GRIN2A: variants seen among roughly 807,000 people sequenced by gnomAD.
The protein encoded by GRIN2A is glutamate ionotropic receptor NMDA type subunit 2A.
In GRIN2A, 22 loss-of-function variants were observed where a neutral mutation model predicts 113.4. The observed-to-expected ratio is 0.19, with a 90% CI of 0.14 to 0.28. GRIN2A has a LOEUF of 0.28. GRIN2A is among the 10% of genes least tolerant of loss of function. The pLI is 1.00. For synonymous variants in GRIN2A, 827 were observed against 738.4 expected (o/e 1.12, Z -1.94); for missense variants, 1,502 against 1,887.0 (o/e 0.80, Z 3.78).
At chr16:10,045,483 TGA>T (rs2047242594) in intron 2 of GRIN2A, among the ~76,000 whole-genome samples, 1 of 151,966 alleles carries the variant, frequency 6.6e-6, no homozygotes, top group African/African-American at 2.4e-5. Flanking sequence ...TCTGGCTACG[TGA>T]GAGAGAGGTT....
intron 2 of GRIN2A, among the ~76,000 whole-genome samples, chr16:10,095,741 C>T (rs1440920798): frequency 6.6e-6 from 1 of 152,176 alleles, no homozygotes; most frequent in Non-Finnish European, 1.5e-5. Flanking sequence ...AGCAACTTTA[C>T]AGTAGAGACT....
chr16:9,774,270 G>A (rs1901466835), intron 11 of GRIN2A, among the ~76,000 whole-genome samples: 1 of 152,206 alleles, frequency 6.6e-6, no homozygotes, highest in Non-Finnish European at 1.5e-5. Flanking sequence ...TTACAAGAAA[G>A]AATGTTTCAG....
intron 2 of GRIN2A, among the ~76,000 whole-genome samples, chr16:9,947,007 T>A (rs1449282222): frequency 6.6e-6 from 1 of 152,208 alleles, no homozygotes; most frequent in African/African-American, 2.4e-5. Flanking sequence ...TCACTTGCAA[T>A]CAAAGATTAC....
intron 2 of GRIN2A, among the ~76,000 whole-genome samples, chr16:10,011,728 T>G (rs1052694510): frequency 6.6e-6 from 1 of 152,204 alleles, no homozygotes; most frequent in African/African-American, 2.4e-5. Flanking sequence ...ATCTACCTGC[T>G]GCCCTACTGC....
chr16:10,064,947 C>G (rs1324452617), intron 2 of GRIN2A, among the ~76,000 whole-genome samples: 1 of 152,152 alleles, frequency 6.6e-6, no homozygotes, highest in African/African-American at 2.4e-5. Flanking sequence ...TACACTTTTT[C>G]AATGTCACCT....
intron 2 of GRIN2A, among the ~76,000 whole-genome samples, chr16:10,037,459 C>G (rs966636364): frequency 6.6e-6 from 1 of 152,062 alleles, no homozygotes; most frequent in Non-Finnish European, 1.5e-5. Flanking sequence ...CATGCATTAT[C>G]CAGAGTGATC....
At chr16:10,147,841 G>C (rs1425413303) in intron 2 of GRIN2A, among the ~76,000 whole-genome samples, 1 of 152,064 alleles carries the variant, frequency 6.6e-6, no homozygotes, top group African/African-American at 2.4e-5. Flanking sequence ...TAGAGAGTTG[G>C]CTATAACCAC....
At chr16:10,106,170 T>C (rs2048496439) in intron 2 of GRIN2A, among the ~76,000 whole-genome samples, 1 of 150,936 alleles carries the variant, frequency 6.6e-6, no homozygotes, top group Non-Finnish European at 1.5e-5. Context: ...ATGATGACCA[T>C]TCTTATAAGT....
intron 2 of GRIN2A, among the ~76,000 whole-genome samples, chr16:10,093,931 C>A (rs2048235058): frequency 1.3e-5 from 2 of 152,166 alleles, no homozygotes; most frequent in Admixed American, 1.3e-4. Flanking sequence ...GGTTTCTCTC[C>A]TTGTATCAAT....
Position 9,798,264 on chromosome 16 carries a change from C to T in GRIN2A, c.2356+13G>A, listed in dbSNP as rs1006336368. 7 of 1,610,438 alleles carry T rather than the reference C, an allele frequency of 4.3e-6. No homozygotes were observed. The Admixed American group carries it at 8.3e-5, about 19-fold the overall frequency. On this transcript the variant is annotated intron_variant, in intron 11 of 12. Coordinates refer to ENST00000330684, the MANE Select transcript of GRIN2A (RefSeq NM_001134407.3). ...CAAGTCCCCCTAAAGAAAGGGGTCA[C>T]CCGGGGTCTTACCATCACCCACAAA...
chr16:9,791,837 T>G (rs1182202176), intron 11 of GRIN2A, among the ~76,000 whole-genome samples: 2 of 151,912 alleles, frequency 1.3e-5, no homozygotes, highest in Non-Finnish European at 2.9e-5. Flanking sequence ...ACTGACCCAC[T>G]CAGAGGGAGA....
chr16:9,879,204 C>CTCTG (rs1175140335), intron 4 of GRIN2A, among the ~76,000 whole-genome samples: 4 of 152,148 alleles, frequency 2.6e-5, no homozygotes, highest in Admixed American at 2.0e-4. Flanking sequence ...TCCACACAGA[C>CTCTG]TCTGCTAAGG....
At chr16:9,896,006 G>A (rs1285467033) in intron 3 of GRIN2A, among the ~76,000 whole-genome samples, 1 of 152,096 alleles carries the variant, frequency 6.6e-6, no homozygotes, top group East Asian at 1.9e-4. Flanking sequence ...TGCTCCTGGG[G>A]AGAGCCATTC....
At position 9,875,952 on chromosome 16, in the gene GRIN2A, A is replaced by C. The variant is rs140529632; in HGVS notation, c.1122+15034T>G. ...TGCATTTCCCTGTCCCTCCCACTACATTATAAGTTCCCTGTTGGTAGAAGA... is the reference window on the plus strand; with the variant it reads ...TGCATTTCCCTGTCCCTCCCACTACCTTATAAGTTCCCTGTTGGTAGAAGA... On this transcript the variant is annotated intron_variant, in intron 4 of 12. Coordinates refer to ENST00000330684, the MANE Select transcript of GRIN2A (RefSeq NM_001134407.3). Among the ~76,000 whole-genome samples, 516 of 152,230 alleles carry C rather than the reference A, an allele frequency of 3.4e-3. 3 individuals carry two copies. Among genetic ancestry groups the C allele is most frequent in the Middle Eastern group, 0.014 (4 of 294 alleles).
intron 11 of GRIN2A, among the ~76,000 whole-genome samples, chr16:9,774,605 T>C (rs1026660161): frequency 6.6e-6 from 1 of 152,280 alleles, no homozygotes; most frequent in East Asian, 1.9e-4. Flanking sequence ...TTAACTCATG[T>C]AAACTTAATA....
chr16:9,858,287 T>C (rs1016862960), intron 4 of GRIN2A, among the ~76,000 whole-genome samples: 1 of 152,196 alleles, frequency 6.6e-6, no homozygotes, highest in Non-Finnish European at 1.5e-5. Flanking sequence ...TGACATTCAC[T>C]AGGCACTTAT....
intron 3 of GRIN2A, among the ~76,000 whole-genome samples, chr16:9,913,303 T>C (rs2044181260): frequency 6.6e-6 from 1 of 152,226 alleles, no homozygotes; most frequent in Non-Finnish European, 1.5e-5. Context: ...ATAGTAGATA[T>C]GGGTGCTCTA....
At chr16:9,854,354 G>T (rs1423208491) in intron 4 of GRIN2A, among the ~76,000 whole-genome samples, 1 of 151,688 alleles carries the variant, frequency 6.6e-6, no homozygotes, top group Non-Finnish European at 1.5e-5. Context: ...TTTCCCCAGA[G>T]AAAGCAAACA....
chr16:10,035,003 A>G (rs775002134), intron 2 of GRIN2A, among the ~76,000 whole-genome samples: 15 of 152,170 alleles, frequency 9.9e-5, no homozygotes, highest in Non-Finnish European at 1.9e-4. Context: ...ACAACATGAC[A>G]ACATCTTTGA....
Sources: gnomAD v4.1 joint callset for allele counts (sites outside exome capture counted in the v4.1 genomes callset) on GRCh38, gnomAD v4.1.1 for gene constraint, MANE v1.5 for transcripts, NCBI Gene and HGNC (gene_info 2026-07-23, HGNC 2026-07-21) for gene names.